PCDHAC1: variants seen among roughly 807,000 people sequenced by gnomAD.
The protein encoded by PCDHAC1 is protocadherin alpha-C1.
PCDHAC1 carries 42 observed loss-of-function variants against 60.0 expected under a neutral mutation model. That is an observed-to-expected ratio of 0.70 (90% CI 0.55 to 0.90). PCDHAC1 has a LOEUF of 0.90. Ranked by LOEUF, PCDHAC1 falls within the 40% of genes least tolerant of loss-of-function variation. The pLI is 0.00. For synonymous variants in PCDHAC1, 468 were observed against 499.3 expected (o/e 0.94, Z 0.84); for missense variants, 1,160 against 1,222.3 (o/e 0.95, Z 0.76).
intron 1 of PCDHAC1, chr5:140,966,328 CG>C: frequency 2.5e-6 from 1 of 392,484 alleles, no homozygotes; most frequent in Non-Finnish European, 4.5e-6. Flanking sequence ...CGCTGGGATC[CG>C]GCAGGTCCAG....
At chr5:141,005,967 A>ACAATTC (rs1554260442) in intron 3 of PCDHAC1, among the ~76,000 whole-genome samples, 1 of 152,062 alleles carries the variant, frequency 6.6e-6, no homozygotes, top group Non-Finnish European at 1.5e-5. Flanking sequence ...CAATAAAAAA[A>ACAATTC]CAATTCCAAA....
chr5:140,983,039 A>C (rs1554245052), intron 3 of PCDHAC1, among the ~76,000 whole-genome samples: 1 of 152,036 alleles, frequency 6.6e-6, no homozygotes, highest in Non-Finnish European at 1.5e-5. Flanking sequence ...TTTCTCATGG[A>C]AGTGGAAAAT....
At chr5:140,965,657 T>TA (rs2095920205) in intron 1 of PCDHAC1, among the ~76,000 whole-genome samples, 2 of 152,196 alleles carry the variant, frequency 1.3e-5, no homozygotes, top group Non-Finnish European at 2.9e-5. Context: ...AGAAAATGTC[T>TA]TGGGTGATAA....
Position 140,942,913 on chromosome 5 carries a change from GA to G in PCDHAC1, c.2433+13598del, listed in dbSNP as rs58669311. Among the ~76,000 whole-genome samples the G allele has an allele frequency of 2.0e-3, 305 of 148,960 alleles. 3 individuals carry two copies. The highest frequency in any genetic ancestry group is 6.9e-3 in the African/African-American group (281 of 40,624). ...ATTTATCTCTAAGAATAAGCGTGAA[GA>G]AAAAAAAAATTGAAAAAGAGTTTAA... On this transcript the variant is annotated intron_variant, in intron 1 of 3. Coordinates refer to ENST00000253807, the MANE Select transcript of PCDHAC1 (RefSeq NM_018898.5).
intron 3 of PCDHAC1, among the ~76,000 whole-genome samples, chr5:141,008,840 T>C (rs2098392722): frequency 6.6e-6 from 1 of 152,188 alleles, no homozygotes; most frequent in African/African-American, 2.4e-5. Context: ...CCTCTTACGC[T>C]GTGTATTCCC....
At chr5:140,975,553 G>T (rs990389718) in intron 1 of PCDHAC1, among the ~76,000 whole-genome samples, 2 of 152,226 alleles carry the variant, frequency 1.3e-5, no homozygotes, top group Non-Finnish European at 2.9e-5. Context: ...TATTAGGAAG[G>T]AAAAGGAGAT....
At chr5:140,980,704 G>T (rs2153822525) in intron 2 of PCDHAC1, among the ~76,000 whole-genome samples, 1 of 151,890 alleles carries the variant, frequency 6.6e-6, no homozygotes, top group East Asian at 1.9e-4. Context: ...AGCCAAATGT[G>T]CTCCTATTCG....
chr5:141,001,461 C>G (rs2098019350), intron 3 of PCDHAC1, among the ~76,000 whole-genome samples: 1 of 152,214 alleles, frequency 6.6e-6, no homozygotes, highest in South Asian at 2.1e-4. Context: ...AATTGAAGGA[C>G]TAAGCAGCAG....
intron 1 of PCDHAC1, among the ~76,000 whole-genome samples, chr5:140,945,731 A>G (rs1021363337): frequency 2.6e-5 from 4 of 152,144 alleles, no homozygotes; most frequent in Non-Finnish European, 4.4e-5. Flanking sequence ...TACAATGGAA[A>G]AAGGACAGCC....
chr5:140,950,107 A>G (rs1196740444), intron 1 of PCDHAC1, among the ~76,000 whole-genome samples: 1 of 151,920 alleles, frequency 6.6e-6, no homozygotes, highest in Non-Finnish European at 1.5e-5. Context: ...ATTAAATCTC[A>G]TACAATACAA....
chr5:140,996,217 T>C (rs2097717491), intron 3 of PCDHAC1, among the ~76,000 whole-genome samples: 1 of 152,192 alleles, frequency 6.6e-6, no homozygotes, highest in South Asian at 2.1e-4. Context: ...TCACTACTTG[T>C]CTAGAAATGG....
At chr5:140,980,623 T>C (rs1554242045) in intron 2 of PCDHAC1, among the ~76,000 whole-genome samples, 1 of 152,102 alleles carries the variant, frequency 6.6e-6, no homozygotes, top group African/African-American at 2.4e-5. Flanking sequence ...TGCGAGACTC[T>C]GTCTCAGAAG....
intron 1 of PCDHAC1, among the ~76,000 whole-genome samples, chr5:140,962,940 A>G (rs1441801947): frequency 1.3e-5 from 2 of 152,186 alleles, no homozygotes; most frequent in African/African-American, 4.8e-5. Context: ...CCTCCTCTCC[A>G]TAAGATATGC....
chr5:140,938,113 C>CT (rs1337308557), intron 1 of PCDHAC1, among the ~76,000 whole-genome samples: 1 of 152,056 alleles, frequency 6.6e-6, no homozygotes, highest in Non-Finnish European at 1.5e-5. Context: ...TACTTTCTCT[C>CT]TTTTTTTAAA....
intron 1 of PCDHAC1, among the ~76,000 whole-genome samples, chr5:140,940,877 T>G (rs2092697297): frequency 2.0e-5 from 3 of 152,378 alleles, no homozygotes; most frequent in East Asian, 3.9e-4. Flanking sequence ...GAGTGAATAC[T>G]ACTGCTAGTA....
At chr5:140,944,880 C>T (rs1275494519) in intron 1 of PCDHAC1, among the ~76,000 whole-genome samples, 1 of 152,150 alleles carries the variant, frequency 6.6e-6, no homozygotes, top group Non-Finnish European at 1.5e-5. Flanking sequence ...ACCTACTCCA[C>T]TGTACAGTTC....
Position 140,926,922 on chromosome 5 carries a change from T to A in PCDHAC1, c.30T>A (p.Cys10Ter). 1 of 1,570,576 alleles carries A rather than the reference T, an allele frequency of 6.4e-7. No individual in the cohort carries two copies. The highest frequency in any genetic ancestry group is 8.7e-7 in the Non-Finnish European group (1 of 1,156,042). The change falls in exon 1 of 4, where the codon TGT becomes TGA. Residue 10 changes from cysteine to a stop codon, truncating the protein, a stop_gained. Transcript: ENST00000253807. LOFTEE classifies it high-confidence loss of function. ...TGGGCTGTGGGGTGGCAGTTTTATGTTTGTGGGTTTCCTGCGGCGCTGCAG... is the reference window on the plus strand; with the variant it reads ...TGGGCTGTGGGGTGGCAGTTTTATGATTGTGGGTTTCCTGCGGCGCTGCAG... MVGCGVAVLCLWVSCGAAAG... is the reference protein window; with the variant it reads MVGCGVAVL
intron 1 of PCDHAC1, among the ~76,000 whole-genome samples, chr5:140,932,100 CTG>C (rs2088033860): frequency 6.6e-6 from 1 of 151,792 alleles, no homozygotes; most frequent in African/African-American, 2.4e-5. Context: ...GTTTTTATCT[CTG>C]TATTTCCAAT....
chr5:140,978,037 A>G (rs1260035731), intron 1 of PCDHAC1, among the ~76,000 whole-genome samples: 12 of 152,322 alleles, frequency 7.9e-5, no homozygotes, highest in African/African-American at 2.4e-4. Flanking sequence ...GATACAAGAC[A>G]GTGATGGTGA....
Sources: allele counts gnomAD v4.1 joint callset (sites outside exome capture counted in the v4.1 genomes callset), GRCh38; gene constraint gnomAD v4.1.1; transcripts MANE v1.5; gene names NCBI Gene and HGNC (gene_info 2026-07-23, HGNC 2026-07-21).